USP32: variants seen among roughly 807,000 people sequenced by gnomAD.
USP32 encodes ubiquitin specific peptidase 32, also known as ubiquitin carboxyl-terminal hydrolase 32.
A neutral mutation model predicts 204.8 loss-of-function variants in USP32; 59 were observed. That is an observed-to-expected ratio of 0.29 (90% CI 0.23 to 0.36). The LOEUF (loss-of-function observed/expected upper bound fraction) is 0.36, where lower values mean the gene tolerates loss of function less well. Among genes scored for constraint, USP32 ranks in the 10% least tolerant of loss-of-function variants. USP32 has a pLI of 1.00. For missense variants in USP32, 1,160 were observed against 1,946.4 expected (o/e 0.60, Z 7.60); for synonymous variants, 517 against 678.4 (o/e 0.76, Z 3.70).
At chr17:60,179,784 C>T (rs1015336276) in intron 33 of USP32, among the ~76,000 whole-genome samples, 5 of 152,198 alleles carry the variant, frequency 3.3e-5, no homozygotes, top group African/African-American at 1.2e-4. Context: ...GATTCTGCTG[C>T]CTCAGCCTCC....
At chr17:60,330,490 TTTTC>T (rs1444917978) in intron 2 of USP32, among the ~76,000 whole-genome samples, 6 of 151,250 alleles carry the variant, frequency 4.0e-5, no homozygotes, top group African/African-American at 4.9e-5. Flanking sequence ...TTCCTTTCCT[TTTTC>T]TTTCTCTCTT....
At chr17:60,235,712 A>C (rs1156635516) in intron 12 of USP32, among the ~76,000 whole-genome samples, 2 of 152,228 alleles carry the variant, frequency 1.3e-5, no homozygotes, top group Admixed American at 6.5e-5. Flanking sequence ...AGTTGAGAGA[A>C]TATAAGCTTT....
At chr17:60,277,687 C>G (rs1187661855) in intron 5 of USP32, among the ~76,000 whole-genome samples, 1 of 152,124 alleles carries the variant, frequency 6.6e-6, no homozygotes, top group East Asian at 1.9e-4. Context: ...ATTATAAAGT[C>G]CCATCACCAA....
chr17:60,185,890 T>C (rs2084238448), intron 29 of USP32: 2 of 409,712 alleles, frequency 4.9e-6, no homozygotes, highest in Non-Finnish European at 8.8e-6. Flanking sequence ...AGTGAGACCC[T>C]GTCTCTGTAA....
chr17:60,256,226 A>G (rs2086300231), intron 9 of USP32, among the ~76,000 whole-genome samples: 1 of 152,148 alleles, frequency 6.6e-6, no homozygotes, highest in Non-Finnish European at 1.5e-5. Flanking sequence ...GAATAGAGAA[A>G]TAAGCTAAAG....
intron 27 of USP32, among the ~76,000 whole-genome samples, chr17:60,196,468 G>T (rs1267224639): frequency 6.6e-6 from 1 of 152,056 alleles, no homozygotes; most frequent in Admixed American, 6.6e-5. Flanking sequence ...TCTATTATTT[G>T]CAGTTTTCCT....
intron 2 of USP32, among the ~76,000 whole-genome samples, chr17:60,334,746 T>C (rs2088477091): frequency 7.0e-6 from 1 of 143,370 alleles, no homozygotes; most frequent in South Asian, 2.1e-4. Flanking sequence ...ATTATATGCC[T>C]TCCACAGTGT....
At chr17:60,237,130 C>T (rs909672880) in intron 11 of USP32, among the ~76,000 whole-genome samples, 19 of 150,848 alleles carry the variant, frequency 1.3e-4, no homozygotes, top group African/African-American at 4.6e-4. Context: ...ATCTATCTAT[C>T]TATCTATCTA....
At position 60,294,768 on chromosome 17, in the gene USP32, T is replaced by C. The variant is rs1347514890; in HGVS notation, c.326A>G (p.Asn109Ser). 3.7e-6 allele frequency: 6 copies of C among 1,611,784 alleles called. No homozygotes were observed. The highest frequency in any genetic ancestry group is 1.1e-5 in the South Asian group (1 of 90,644). The change falls in exon 4 of 34, where the codon AAC becomes AGC. Residue 109 changes from asparagine (N) to serine (S), a missense_variant. Asn to Ser is a conservative substitution (Grantham distance 46). Around this residue, in one of 8 missense-constraint regions of USP32, gnomAD observed 536 missense variants for 680.9 expected, o/e 0.79. Transcript: ENST00000300896. ...IFSLFSSESG[N>S]YVIREEMERM... is the part of the protein sequence containing the mutation. ...TTCCATTTCTTCCCGTATAACATAG[T>C]TCCCAGATTCACTTGAAAAAAGACT...
intron 22 of USP32, among the ~76,000 whole-genome samples, 176 bp downstream of exon 22, chr17:60,209,194 G>A (rs892641638): frequency 8.5e-5 from 13 of 152,080 alleles, no homozygotes; most frequent in African/African-American, 2.9e-4. Flanking sequence ...TTCATTAAAC[G>A]TATTTTTGTT....
intron 1 of USP32, chr17:60,421,117 T>C (rs562811253): frequency 6.5e-6 from 1 of 153,786 alleles, no homozygotes. Flanking sequence ...TATGTAAAGG[T>C]TCCTTTCCCC....
chr17:60,325,051 G>A (rs2088200530), intron 2 of USP32, among the ~76,000 whole-genome samples: 1 of 152,072 alleles, frequency 6.6e-6, no homozygotes, highest in Admixed American at 6.6e-5. Context: ...TTAGCTACAG[G>A]TGTTATGAAA....
chr17:60,218,174 G>A (rs1373383828), intron 16 of USP32, among the ~76,000 whole-genome samples: 1 of 152,146 alleles, frequency 6.6e-6, no homozygotes, highest in African/African-American at 2.4e-5. Flanking sequence ...CACGAGGTCA[G>A]GAGATAGAGA....
At chr17:60,252,515 C>T in intron 10 of USP32, 73 bp from the exon 11 acceptor site, 1 of 1,134,098 alleles carries the variant, frequency 8.8e-7, no homozygotes, top group Non-Finnish European at 1.3e-6. Flanking sequence ...AGACCCATTT[C>T]CTAAATTGGA....
intron 2 of USP32, among the ~76,000 whole-genome samples, chr17:60,325,915 G>T (rs895435995): frequency 1.3e-5 from 2 of 148,534 alleles, no homozygotes; most frequent in Non-Finnish European, 3.0e-5. Context: ...GGTGATTGCA[G>T]TGAGTTGAGA....
At chr17:60,373,409 T>G (rs2089480448) in intron 1 of USP32, among the ~76,000 whole-genome samples, 1 of 151,998 alleles carries the variant, frequency 6.6e-6, no homozygotes, top group South Asian at 2.1e-4. Context: ...TACTAATTTT[T>G]TCTTCAATAA....
chr17:60,337,470 TAAC>T (rs1242480293), intron 2 of USP32, among the ~76,000 whole-genome samples: 10 of 152,338 alleles, frequency 6.6e-5, no homozygotes, highest in African/African-American at 1.7e-4. Flanking sequence ...TGCAGAATAA[TAAC>T]AACTACTAAA....
At chr17:60,374,055 G>A (rs531787143) in intron 1 of USP32, among the ~76,000 whole-genome samples, 3 of 151,968 alleles carry the variant, frequency 2.0e-5, no homozygotes, top group Non-Finnish European at 4.4e-5. Context: ...GTGGTGGCAT[G>A]CACCTGTAAT....
In USP32 at chr17:60,271,346, C is replaced by T; in HGVS notation, c.703+4G>A. The T allele has an allele frequency of 6.2e-7, 1 of 1,613,696 alleles. No individual in the cohort carries two copies. Among genetic ancestry groups the T allele is most frequent in the Non-Finnish European group, 8.5e-7 (1 of 1,179,812 alleles). ...ACATATGTAGAAAATGGAATGATCC[C>T]TACCTTCACTTAGAGATGGACGAAT... On this transcript the variant is annotated splice_donor_region_variant and intron_variant, in intron 6 of 33. Coordinates refer to ENST00000300896, the MANE Select transcript of USP32 (RefSeq NM_032582.4).
Sources: gnomAD v4.1 joint callset for allele counts (sites outside exome capture counted in the v4.1 genomes callset) on GRCh38, gnomAD v4.1.1 for gene constraint, gnomAD v4.1.1 regional missense constraint, MANE v1.5 for transcripts, NCBI Gene and HGNC (gene_info 2026-07-23, HGNC 2026-07-21) for gene names.